SCNN1G: variants seen among roughly 807,000 people sequenced by gnomAD.
SCNN1G encodes sodium channel epithelial 1 subunit gamma.
A neutral mutation model predicts 64.6 loss-of-function variants in SCNN1G; 27 were observed. The ratio of observed to expected loss-of-function variants is 0.42; its 90% CI spans 0.31 to 0.58. The LOEUF (loss-of-function observed/expected upper bound fraction) is 0.58, where lower values mean the gene tolerates loss of function less well. Ranked by LOEUF, SCNN1G falls within the 20% of genes least tolerant of loss-of-function variation. The pLI is 0.18. For missense variants in SCNN1G, 743 were observed against 823.4 expected (o/e 0.90, Z 1.19); for synonymous variants, 330 against 314.2 (o/e 1.05, Z -0.53).
intron 6 of SCNN1G, among the ~76,000 whole-genome samples, chr16:23,202,082 G>C (rs1959898812): frequency 6.6e-6 from 1 of 152,176 alleles, no homozygotes. Context: ...TTCCCAAAGT[G>C]CTGGGATTAT....
chr16:23,193,319 C>G (rs1181267787), intron 4 of SCNN1G, among the ~76,000 whole-genome samples: 1 of 151,980 alleles, frequency 6.6e-6, no homozygotes, highest in African/African-American at 2.4e-5. Context: ...CACTCAGATC[C>G]CTTATAGTGA....
chr16:23,185,824 T>C (rs1205536680), intron 1 of SCNN1G, among the ~76,000 whole-genome samples: 1 of 152,156 alleles, frequency 6.6e-6, no homozygotes, highest in Non-Finnish European at 1.5e-5. Context: ...AATGCTGCCC[T>C]TGAGGAAGGC....
chr16:23,193,364 G>A (rs1288116593), intron 4 of SCNN1G, among the ~76,000 whole-genome samples: 3 of 152,088 alleles, frequency 2.0e-5, no homozygotes, highest in African/African-American at 7.2e-5. Context: ...AAGTGTTCCT[G>A]GGCTGGGCAC....
chr16:23,186,801 G>GT (rs930324901), intron 2 of SCNN1G, among the ~76,000 whole-genome samples: 19 of 151,820 alleles, frequency 1.3e-4, no homozygotes, highest in Admixed American at 1.3e-4. Context: ...TCAGTGACTT[G>GT]TTTTTTTTCT....
chr16:23,182,770 G>A lies in SCNN1G; in HGVS notation c.-88G>A, dbSNP rs1021405530. The A allele has an allele frequency of 2.6e-5, 4 of 152,458 alleles. No individual in the cohort carries two copies. The highest frequency in any genetic ancestry group is 5.9e-5 in the Non-Finnish European group (4 of 68,234). The allele number at this position is 152,458 out of a possible 1,614,324, so 9.4% of individuals were successfully genotyped here. A position where few individuals can be genotyped will look rare whatever the true frequency, so the allele number is the denominator to read the frequency against. On this transcript the variant is annotated 5_prime_UTR_variant, in exon 1 of 13. Transcript: ENST00000300061. ...GATGCTAGCCCGAGAGCGAGCAGAG[G>A]AGCAGCGCACCCGCACGAGCCTTGG...
chr16:23,189,021 T>G (rs555178032), intron 2 of SCNN1G, among the ~76,000 whole-genome samples: 18 of 152,098 alleles, frequency 1.2e-4, no homozygotes, highest in Non-Finnish European at 2.4e-4. Flanking sequence ...TTGGCAGTTA[T>G]TTACTTGTCC....
chr16:23,209,305 C>G (rs894737049), intron 6 of SCNN1G, among the ~76,000 whole-genome samples: 1 of 152,132 alleles, frequency 6.6e-6, no homozygotes, highest in Admixed American at 6.5e-5. Context: ...CTGTCCACTT[C>G]TTGACAAGAC....
intron 6 of SCNN1G, among the ~76,000 whole-genome samples, chr16:23,206,117 C>T (rs1959986255): frequency 1.3e-5 from 2 of 151,770 alleles, no homozygotes; most frequent in African/African-American, 4.8e-5. Flanking sequence ...AAACAGGGTG[C>T]AGACAGAACA....
At position 23,197,275 on chromosome 16, in the gene SCNN1G, A is replaced by G. The variant is rs1279159546; in HGVS notation, c.925A>G (p.Ile309Val). ...TCTTATCCTCCCAGGGCTGCAAGTC[A>G]TTTTGTACATAAACGAAGAGGAATA... Reference protein sequence around the residue: ...MGGSEYGLQVILYINEEEYNP... With the variant: ...MGGSEYGLQVVLYINEEEYNP... The change falls in exon 6 of 13, where the codon ATT becomes GTT. Residue 309 changes from isoleucine to valine, a missense_variant. Physicochemically the swap from Ile to Val is conservative, Grantham distance 29. Coordinates refer to ENST00000300061, the MANE Select transcript of SCNN1G (RefSeq NM_001039.4). The G allele has an allele frequency of 6.2e-7, 1 of 1,613,846 alleles. No individual in the cohort carries two copies. The highest frequency in any genetic ancestry group is 1.7e-5 in the Admixed American group (1 of 60,024).
chr16:23,192,526 G>C lies in SCNN1G; in HGVS notation c.793G>C (p.Val265Leu). 6.2e-7 allele frequency: 1 copy of C among 1,612,204 alleles called. No individual in the cohort carries two copies. Among genetic ancestry groups the C allele is most frequent in the East Asian group, 2.2e-5 (1 of 44,866 alleles). Residue 265 changes from valine (V) to leucine (L), a missense_variant, in exon 4 of 13, where the codon GTG becomes CTG. Coordinates refer to ENST00000300061, the MANE Select transcript of SCNN1G (RefSeq NM_001039.4). ...GCTGGTGACCTGCTTCTTTGATGGA[G>C]TGTCCTGTGATGCCAGGTCAGGAGA... ...ELLVTCFFDG[V>L]SCDARNFTLF...
chr16:23,199,916 C>T (rs946734521), intron 6 of SCNN1G, among the ~76,000 whole-genome samples: 9 of 152,082 alleles, frequency 5.9e-5, no homozygotes, highest in African/African-American at 2.2e-4. Context: ...TGTGATCCGC[C>T]CGCCTCAGCC....
At position 23,209,741 on chromosome 16, in the gene SCNN1G, T is replaced by C. The variant is rs1333357686; in HGVS notation, c.1078-9T>C. 1 of 1,607,626 alleles carries C rather than the reference T, an allele frequency of 6.2e-7. No homozygotes were observed. The highest frequency in any genetic ancestry group is 2.2e-5 in the East Asian group (1 of 44,842). ...GGACAGGGCTGAGTGTGTGCTGCTG[T>C]GATTGCAGACAGAGTCCTTCAAGCT... On this transcript the variant is annotated splice_polypyrimidine_tract_variant and intron_variant, in intron 6 of 12. Coordinates refer to ENST00000300061, the MANE Select transcript of SCNN1G (RefSeq NM_001039.4).
intron 4 of SCNN1G, among the ~76,000 whole-genome samples, 167 bp downstream of exon 4, chr16:23,192,709 C>T (rs1959729135): frequency 6.6e-6 from 1 of 152,108 alleles, no homozygotes; most frequent in Non-Finnish European, 1.5e-5. Context: ...GTTCTAGAGT[C>T]AGTGAGTGAG....
chr16:23,214,134 T>A (rs904435040), intron 11 of SCNN1G, among the ~76,000 whole-genome samples: 1 of 152,238 alleles, frequency 6.6e-6, no homozygotes, highest in Non-Finnish European at 1.5e-5. Flanking sequence ...GAGTACTGGC[T>A]CAGCCAATTA....
intron 6 of SCNN1G, among the ~76,000 whole-genome samples, chr16:23,205,454 T>A (rs1567267499): frequency 6.6e-6 from 1 of 152,040 alleles, no homozygotes; most frequent in East Asian, 1.9e-4. Context: ...CCTGTAATCT[T>A]TGGGAGGCCA....
chr16:23,187,395 C>A lies in SCNN1G; in HGVS notation c.317+807C>A, dbSNP rs561621542. ...AAGTGCTGAGATTACAGGAGTGAACCACCACACCCACTCCATCAATGACTT... is the reference window on the plus strand; with the variant it reads ...AAGTGCTGAGATTACAGGAGTGAACAACCACACCCACTCCATCAATGACTT... On this transcript the variant is annotated intron_variant, in intron 2 of 12. Transcript: ENST00000300061. Among the ~76,000 whole-genome samples, 292 of 152,224 alleles carry A rather than the reference C, an allele frequency of 1.9e-3. 4 individuals are homozygous for A. Among genetic ancestry groups the A allele is most frequent in the Non-Finnish European group, 3.6e-3 (246 of 68,004 alleles).
chr16:23,209,694 C>G, intron 6 of SCNN1G, 56 bp from the exon 7 acceptor site: 3 of 1,331,048 alleles, frequency 2.3e-6, no homozygotes, highest in African/African-American at 1.4e-5. Flanking sequence ...CCTTGCAAAG[C>G]CCCCGCCTGG....
chr16:23,197,947 G>A (rs1293018573), intron 6 of SCNN1G, among the ~76,000 whole-genome samples: 1 of 151,928 alleles, frequency 6.6e-6, no homozygotes, highest in African/African-American at 2.4e-5. Flanking sequence ...AGAATTTCAA[G>A]ACACCAGCAT....
At chr16:23,201,868 G>T (rs1959895323) in intron 6 of SCNN1G, among the ~76,000 whole-genome samples, 1 of 152,210 alleles carries the variant, frequency 6.6e-6, no homozygotes, top group Non-Finnish European at 1.5e-5. Flanking sequence ...GGAGTGCAGT[G>T]GTGTGATGAC....
Sources: gnomAD v4.1 joint callset for allele counts (sites outside exome capture counted in the v4.1 genomes callset) on GRCh38, gnomAD v4.1.1 for gene constraint, MANE v1.5 for transcripts, NCBI Gene and HGNC (gene_info 2026-07-23, HGNC 2026-07-21) for gene names.